The following PTPRD variants were observed in gnomAD, a reference collection of about 807,000 sequenced individuals.
PTPRD encodes the protein receptor-type tyrosine-protein phosphatase delta.
In PTPRD, 34 loss-of-function variants were observed where a neutral mutation model predicts 214.5. That is an observed-to-expected ratio of 0.16 (90% CI 0.12 to 0.21). The LOEUF (loss-of-function observed/expected upper bound fraction) is 0.21, where lower values mean the gene tolerates loss of function less well. Among genes scored for constraint, PTPRD ranks in the 10% least tolerant of loss-of-function variants. The probability of loss-of-function intolerance (pLI) is 1.00; values close to 1 mark genes in which losing one functional copy is unlikely to be tolerated. For missense variants in PTPRD, 2,545 were observed against 2,398.7 expected (o/e 1.06, Z -1.27); for synonymous variants, 1,128 against 845.7 (o/e 1.33, Z -5.79).
At chr9:9,510,194 C>T (rs958441068) in intron 8 of PTPRD, among the ~76,000 whole-genome samples, 1 of 151,718 alleles carries the variant, frequency 6.6e-6, no homozygotes, top group Non-Finnish European at 1.5e-5. Flanking sequence ...CTCATCAACA[C>T]TTATTTGGCT....
chr9:8,950,184 C>G (rs1168455566), intron 11 of PTPRD, among the ~76,000 whole-genome samples: 1 of 152,110 alleles, frequency 6.6e-6, no homozygotes, highest in Admixed American at 6.6e-5. Context: ...TGCCACTCCT[C>G]TCACTAGATG....
intron 10 of PTPRD, among the ~76,000 whole-genome samples, chr9:9,167,797 C>T (rs1224813738): frequency 1.3e-5 from 2 of 152,050 alleles, no homozygotes; most frequent in African/African-American, 4.8e-5. Context: ...TTGTTTTCAT[C>T]TACAAAAAAG....
At chr9:8,846,314 G>C (rs1164567251) in intron 11 of PTPRD, among the ~76,000 whole-genome samples, 1 of 152,154 alleles carries the variant, frequency 6.6e-6, no homozygotes, top group Admixed American at 6.5e-5. Context: ...TTTGTTTACA[G>C]AATACTCAAC....
intron 8 of PTPRD, among the ~76,000 whole-genome samples, chr9:9,463,504 C>T (rs992737869): frequency 6.6e-6 from 1 of 151,942 alleles, no homozygotes; most frequent in African/African-American, 2.4e-5. Flanking sequence ...GCAAAGGAGA[C>T]CAAAATATAA....
At chr9:9,184,461 A>G (rs373169574) in intron 9 of PTPRD, among the ~76,000 whole-genome samples, 2 of 152,140 alleles carry the variant, frequency 1.3e-5, no homozygotes, top group African/African-American at 4.8e-5. Context: ...AAAGAACATG[A>G]TTCTCCAGCC....
chr9:8,871,094 G>A (rs1413888450), intron 11 of PTPRD, among the ~76,000 whole-genome samples: 1 of 152,120 alleles, frequency 6.6e-6, no homozygotes, highest in Non-Finnish European at 1.5e-5. Flanking sequence ...CATAATTAAA[G>A]CGTTGGCAAT....
chr9:9,694,283 A>G (rs1460864082), intron 7 of PTPRD, among the ~76,000 whole-genome samples: 1 of 151,744 alleles, frequency 6.6e-6, no homozygotes, highest in Non-Finnish European at 1.5e-5. Context: ...AACCCCAAGC[A>G]TAATCCTGTG....
At position 8,752,709 on chromosome 9, in the gene PTPRD, A is replaced by G. The variant is rs894084208; in HGVS notation, c.-103-18763T>C. Among the ~76,000 whole-genome samples the G allele has an allele frequency of 6.6e-5, 10 of 152,168 alleles. No individual in the cohort carries two copies. In the East Asian group the frequency reaches 1.9e-3, roughly 29 times the overall value. ...ATGGGGAGCAGAGATGAACTAGCTA[A>G]CTGACCCACTGTAGACCAATCATTC... On this transcript the variant is annotated intron_variant, in intron 11 of 45. Transcript: ENST00000381196.
At chr9:9,536,801 T>C (rs1269549489) in intron 8 of PTPRD, among the ~76,000 whole-genome samples, 2 of 152,044 alleles carry the variant, frequency 1.3e-5, no homozygotes, top group East Asian at 3.9e-4. Flanking sequence ...CTCATTTAAC[T>C]GGGAATCTGC....
intron 7 of PTPRD, among the ~76,000 whole-genome samples, chr9:9,715,308 G>A (rs2097799274): frequency 6.6e-6 from 1 of 152,050 alleles, no homozygotes; most frequent in Admixed American, 6.6e-5. Context: ...GCTTGACACT[G>A]GTTGGCATAC....
intron 8 of PTPRD, among the ~76,000 whole-genome samples, chr9:9,469,368 G>C (rs987761449): frequency 6.6e-6 from 1 of 152,122 alleles, no homozygotes; most frequent in South Asian, 2.1e-4. Flanking sequence ...TAAGGATAAA[G>C]CTGGCAATGT....
At chr9:10,336,028 G>C (rs930187047) in intron 3 of PTPRD, among the ~76,000 whole-genome samples, 8 of 151,716 alleles carry the variant, frequency 5.3e-5, no homozygotes, top group Admixed American at 3.9e-4. Flanking sequence ...AAGAGAGTTT[G>C]GCAGTTTCTT....
At chr9:10,573,276 T>C (rs751573430) in intron 2 of PTPRD, among the ~76,000 whole-genome samples, 2 of 152,182 alleles carry the variant, frequency 1.3e-5, no homozygotes, top group Non-Finnish European at 2.9e-5. Flanking sequence ...CACACACGAA[T>C]GTTGAATGTT....
At chr9:10,456,858 A>G (rs2098921412) in intron 2 of PTPRD, among the ~76,000 whole-genome samples, 1 of 151,932 alleles carries the variant, frequency 6.6e-6, no homozygotes, top group Non-Finnish European at 1.5e-5. Flanking sequence ...TTGCATATAT[A>G]TAGGCTGCCC....
At chr9:10,239,717 A>G (rs1194136372) in intron 3 of PTPRD, among the ~76,000 whole-genome samples, 2 of 151,864 alleles carry the variant, frequency 1.3e-5, no homozygotes, top group Admixed American at 1.3e-4. Flanking sequence ...AAAAATGACA[A>G]TAATGATAAT....
intron 11 of PTPRD, among the ~76,000 whole-genome samples, chr9:8,934,728 A>G (rs1003824591): frequency 2.7e-5 from 4 of 150,810 alleles, no homozygotes; most frequent in African/African-American, 7.3e-5. Flanking sequence ...TTCATCCTGC[A>G]TAACGGAAAC....
At chr9:10,273,961 G>A (rs1555010720) in intron 3 of PTPRD, among the ~76,000 whole-genome samples, 1 of 133,070 alleles carries the variant, frequency 7.5e-6, no homozygotes, top group Non-Finnish European at 1.7e-5. Flanking sequence ...ATGTAATGTA[G>A]TTTTTAAAAT....
intron 2 of PTPRD, among the ~76,000 whole-genome samples, chr9:10,584,719 G>T (rs745702673): frequency 6.6e-6 from 1 of 152,114 alleles, no homozygotes; most frequent in East Asian, 1.9e-4. Flanking sequence ...GAGACAAAAA[G>T]CCAGATCTTG....
At chr9:9,793,940 G>A (rs990244043) in intron 5 of PTPRD, among the ~76,000 whole-genome samples, 1 of 151,882 alleles carries the variant, frequency 6.6e-6, no homozygotes, top group Non-Finnish European at 1.5e-5. Flanking sequence ...AAATATAAGA[G>A]TATCAAAGAG....
Sources: gnomAD v4.1 joint callset for allele counts (sites outside exome capture counted in the v4.1 genomes callset) on GRCh38, gnomAD v4.1.1 for gene constraint, MANE v1.5 for transcripts, NCBI Gene and HGNC (gene_info 2026-07-23, HGNC 2026-07-21) for gene names.